The following MTCL2 variants were observed in gnomAD, a reference collection of about 807,000 sequenced individuals.
The protein encoded by MTCL2 is microtubule crosslinking factor 2, also known as microtubule cross-linking factor 2.
the MTCL2 span, among the ~76,000 whole-genome samples, chr20:36,846,450 G>C: frequency 2.0e-5 from 3 of 152,192 alleles, no homozygotes; most frequent in African/African-American, 7.2e-5. Flanking sequence ...GGGGGAGGAT[G>C]GGGGACCAGG....
At chr20:36,863,511 T>A in the MTCL2 span, 1 of 351,540 alleles carries the variant, frequency 2.8e-6, no homozygotes, top group Non-Finnish European at 4.3e-6. This position sits in a 1 kb window ranked among gnomAD's most constrained non-coding sequence, Gnocchi z 6.2. Context: ...CCGCGCGGTC[T>A]CTCCGCTGCT....
chr20:36,783,931 C>A, the MTCL2 span: 78 of 985,350 alleles, frequency 7.9e-5, no homozygotes, highest in Non-Finnish European at 9.3e-5. Flanking sequence ...GAGGCTTCTG[C>A]AGGAACAGTG....
the MTCL2 span, chr20:36,859,988 T>C: frequency 1.8e-6 from 2 of 1,099,330 alleles, no homozygotes; most frequent in Non-Finnish European, 2.3e-6. Flanking sequence ...CCTCCAGTAA[T>C]AACCCCTCTA....
At chr20:36,794,386 G>T in the MTCL2 span, 2 of 1,613,208 alleles carry the variant, frequency 1.2e-6, no homozygotes, top group African/African-American at 1.3e-5. This position sits in a 1 kb window ranked among gnomAD's most constrained non-coding sequence, Gnocchi z 5.4. Flanking sequence ...TCCCTGGGGG[G>T]TCCTGGCAGG....
At chr20:36,827,205 C>A in the MTCL2 span, among the ~76,000 whole-genome samples, 75 of 151,904 alleles carry the variant, frequency 4.9e-4, no homozygotes, top group Middle Eastern at 3.4e-3. Flanking sequence ...CCCGCCACCA[C>A]ACCCAGCTAA....
At chr20:36,851,432 C>T in the MTCL2 span, among the ~76,000 whole-genome samples, 1 of 152,236 alleles carries the variant, frequency 6.6e-6, no homozygotes, top group Non-Finnish European at 1.5e-5. Context: ...TCTCCATCTT[C>T]ATCTCCCTCG....
the MTCL2 span, among the ~76,000 whole-genome samples, chr20:36,787,682 T>G: frequency 6.7e-6 from 1 of 148,844 alleles, no homozygotes; most frequent in African/African-American, 2.5e-5. Flanking sequence ...GGTCAGGAGA[T>G]CGAGACCATC....
At chr20:36,851,381 G>A in the MTCL2 span, among the ~76,000 whole-genome samples, 7 of 152,096 alleles carry the variant, frequency 4.6e-5, no homozygotes, top group Admixed American at 3.3e-4. Context: ...AAATCCCATC[G>A]TACAGCATAC....
the MTCL2 span, among the ~76,000 whole-genome samples, chr20:36,851,905 C>T: frequency 6.6e-6 from 1 of 152,182 alleles, no homozygotes; most frequent in Non-Finnish European, 1.5e-5. Context: ...AAAACTACTT[C>T]TAGTCAGCGC....
chr20:36,863,453 C>T, the MTCL2 span: 2 of 836,460 alleles, frequency 2.4e-6, no homozygotes, highest in Non-Finnish European at 1.5e-6. This position sits in a 1 kb window ranked among gnomAD's most constrained non-coding sequence, Gnocchi z 6.2. Flanking sequence ...GCTGCGGCTG[C>T]TCTCGGCCCA....
the MTCL2 span, among the ~76,000 whole-genome samples, chr20:36,809,499 A>G: frequency 2.0e-5 from 3 of 151,986 alleles, no homozygotes; most frequent in East Asian, 5.8e-4. Context: ...TACACAACTA[A>G]TGCACAATGG....
At chr20:36,841,877 GTGTGTGTGT>G in the MTCL2 span, among the ~76,000 whole-genome samples, 11 of 71,712 alleles carry the variant, frequency 1.5e-4, no homozygotes, top group South Asian at 1.7e-3. Flanking sequence ...GGGGTGGGGT[GTGTGTGTGT>G]GTGTGTGTGT....
At chr20:36,802,340 G>A in the MTCL2 span, among the ~76,000 whole-genome samples, 4 of 152,176 alleles carry the variant, frequency 2.6e-5, no homozygotes, top group Non-Finnish European at 4.4e-5. Context: ...AATCAAGAGT[G>A]GAGCAGAGCA....
chr20:36,863,157 C>T, the MTCL2 span: 2 of 1,361,946 alleles, frequency 1.5e-6, no homozygotes, highest in Admixed American at 2.9e-5. This position sits in a 1 kb window ranked among gnomAD's most constrained non-coding sequence, Gnocchi z 6.2. Context: ...GAACGCGGCG[C>T]TGCAGGCGAC....
At chr20:36,850,617 T>C in the MTCL2 span, among the ~76,000 whole-genome samples, 1 of 152,144 alleles carries the variant, frequency 6.6e-6, no homozygotes, top group Non-Finnish European at 1.5e-5. Flanking sequence ...AATTAGTGAG[T>C]GCCTATGGTG....
chr20:36,794,322 A>G, the MTCL2 span: 3 of 1,572,166 alleles, frequency 1.9e-6, no homozygotes. The surrounding 1 kb of genome is among the most constrained non-coding windows in gnomAD (Gnocchi z 5.4). Context: ...GGGGGACTAT[A>G]GTAGACTCGG....
At chr20:36,799,580 G>A in the MTCL2 span, among the ~76,000 whole-genome samples, 1 of 152,126 alleles carries the variant, frequency 6.6e-6, no homozygotes, top group African/African-American at 2.4e-5. Flanking sequence ...CTGCACGAGA[G>A]GTTGAGGTGG....
the MTCL2 span, among the ~76,000 whole-genome samples, chr20:36,856,888 G>A: frequency 1.3e-5 from 2 of 152,184 alleles, no homozygotes; most frequent in Non-Finnish European, 2.9e-5. Flanking sequence ...GTGTGTCTAG[G>A]TTCCCTGGTT....
chr20:36,816,246 C>T, the MTCL2 span: 1 of 1,611,130 alleles, frequency 6.2e-7, no homozygotes, highest in South Asian at 1.1e-5. Context: ...GAGCTTCTTG[C>T]ACATGAGGGC....
Sources: allele counts gnomAD v4.1 joint callset (sites outside exome capture counted in the v4.1 genomes callset), GRCh38; gene constraint gnomAD v4.1.1; non-coding constraint Gnocchi (gnomAD v3.1); transcripts MANE v1.5; gene names NCBI Gene and HGNC (gene_info 2026-07-23, HGNC 2026-07-21).